PCBP3: variants seen among roughly 807,000 people sequenced by gnomAD.
PCBP3 encodes poly(rC) binding protein 3.
A neutral mutation model predicts 52.7 loss-of-function variants in PCBP3; 25 were observed. The observed-to-expected ratio is 0.47, with a 90% CI of 0.35 to 0.66. The LOEUF is 0.66. Among genes scored for constraint, PCBP3 ranks in the 30% least tolerant of loss-of-function variants. PCBP3 has a pLI of 0.01. For synonymous variants in PCBP3, 162 were observed against 183.0 expected, an observed-to-expected ratio of 0.89 and a Z score of 0.93; for missense variants, 391 against 490.3, an observed-to-expected ratio of 0.80 and a Z score of 1.91.
At chr21:45,799,134 TAG>T (rs1569238993) in intron 4 of PCBP3, among the ~76,000 whole-genome samples, 2 of 152,166 alleles carry the variant, frequency 1.3e-5, no homozygotes, top group African/African-American at 4.8e-5. Context: ...CGTGGATCTG[TAG>T]AGAGAGTGAA....
chr21:45,911,980 C>T (rs945471499), intron 11 of PCBP3, among the ~76,000 whole-genome samples: 5 of 152,252 alleles, frequency 3.3e-5, no homozygotes, highest in African/African-American at 1.2e-4. Context: ...CCCTGGAGGC[C>T]CTGCGGGCCG....
chr21:45,662,201 A>C (rs574963760), intron 1 of PCBP3, among the ~76,000 whole-genome samples: 16 of 149,600 alleles, frequency 1.1e-4, no homozygotes, highest in Non-Finnish European at 2.2e-4. Context: ...TCTGCCTCCC[A>C]GGCTCAAGTG....
Position 45,835,507 on chromosome 21 carries a change from T to C in PCBP3, c.-125-14454T>C, listed in dbSNP as rs538060177. Among the ~76,000 whole-genome samples the C allele has an allele frequency of 2.6e-4, 40 of 152,288 alleles. No homozygotes were observed. In the South Asian group the frequency reaches 7.2e-3, roughly 28 times the overall value. ...GACCTGGAGCACCTTAAGGAGCCCC[T>C]CTGCAAGTCCCTGTGCATCTGAGAG... On this transcript the variant is annotated intron_variant, in intron 4 of 17. Transcript: ENST00000681687.
chr21:45,791,020 C>T lies in PCBP3; in HGVS notation c.-126+35568C>T, dbSNP rs2091508699. Reference sequence around the variant, plus strand: ...AGCTCTCACAAGGGCAGGAGAACCACTGGGGCAGCCTTGGGATGCCCAGGA... The same window carrying T: ...AGCTCTCACAAGGGCAGGAGAACCATTGGGGCAGCCTTGGGATGCCCAGGA... On this transcript the variant is annotated intron_variant, in intron 4 of 17. Transcript: ENST00000681687. The surrounding 1 kb of genome is among the most constrained non-coding windows in gnomAD (Gnocchi z 4.2). 6.6e-6 allele frequency among the ~76,000 whole-genome samples: 1 copy of T among 152,120 alleles called. No homozygotes were observed. Among genetic ancestry groups the T allele is most frequent in the Admixed American group, 6.5e-5 (1 of 15,284 alleles).
chr21:45,676,541 A>G (rs2081478609), intron 2 of PCBP3, among the ~76,000 whole-genome samples: 1 of 152,130 alleles, frequency 6.6e-6, no homozygotes, highest in Non-Finnish European at 1.5e-5. Context: ...ATCTGTGGTC[A>G]GCGATCTTTG....
intron 4 of PCBP3, among the ~76,000 whole-genome samples, chr21:45,803,731 A>G (rs1478550648): frequency 1.3e-5 from 2 of 152,200 alleles, no homozygotes; most frequent in Admixed American, 6.5e-5. Context: ...AACCTGGAGC[A>G]GTATGGGCTC....
intron 2 of PCBP3, among the ~76,000 whole-genome samples, chr21:45,691,048 A>G (rs1459556653): frequency 6.6e-6 from 1 of 152,160 alleles, no homozygotes; most frequent in Non-Finnish European, 1.5e-5. Flanking sequence ...GTATATTCTT[A>G]TGCAAAGACA....
At chr21:45,915,570 GC>G (rs2073251215) in intron 12 of PCBP3, 1 of 152,262 alleles carries the variant, frequency 6.6e-6, no homozygotes, top group Admixed American at 6.5e-5. Flanking sequence ...GTGCAGCTGA[GC>G]CCTGCTCAGC....
chr21:45,778,025 C>T (rs1289605675), intron 4 of PCBP3, among the ~76,000 whole-genome samples: 1 of 135,288 alleles, frequency 7.4e-6, no homozygotes, highest in Non-Finnish European at 1.6e-5. Flanking sequence ...GATGTCTGTT[C>T]TGCACTTCTA....
intron 2 of PCBP3, among the ~76,000 whole-genome samples, chr21:45,696,719 A>C (rs2082800504): frequency 6.6e-6 from 1 of 151,062 alleles, no homozygotes; most frequent in African/African-American, 2.4e-5. Context: ...TGAACCCGGG[A>C]GGCAGAGGTT....
chr21:45,824,503 C>A (rs571929166), intron 4 of PCBP3, among the ~76,000 whole-genome samples: 6 of 152,196 alleles, frequency 3.9e-5, no homozygotes, highest in African/African-American at 1.4e-4. Context: ...AGATTTCTCC[C>A]GTTGGGATTG....
At chr21:45,785,797 C>A (rs916410539) in intron 4 of PCBP3, among the ~76,000 whole-genome samples, 3 of 150,306 alleles carry the variant, frequency 2.0e-5, no homozygotes, top group African/African-American at 4.9e-5. Context: ...TAGAAAAATT[C>A]TTCTGCCTTG....
At chr21:45,822,901 A>G (rs570138578) in intron 4 of PCBP3, among the ~76,000 whole-genome samples, 1 of 152,204 alleles carries the variant, frequency 6.6e-6, no homozygotes, top group African/African-American at 2.4e-5. Flanking sequence ...TTGAGGAGGA[A>G]GCCCCCAGAG....
chr21:45,783,072 T>C (rs913414312), intron 4 of PCBP3, among the ~76,000 whole-genome samples: 4 of 152,228 alleles, frequency 2.6e-5, no homozygotes, highest in Admixed American at 1.3e-4. Flanking sequence ...CTATACCAAG[T>C]TTTGGAAAGC....
chr21:45,920,130 C>G (rs1171847336), intron 13 of PCBP3, among the ~76,000 whole-genome samples: 2 of 152,134 alleles, frequency 1.3e-5, no homozygotes, highest in Non-Finnish European at 2.9e-5. Flanking sequence ...GAAGGTTAGT[C>G]GATGGGGTCA....
chr21:45,744,817 G>T (rs999622112), intron 3 of PCBP3, among the ~76,000 whole-genome samples: 4 of 152,084 alleles, frequency 2.6e-5, no homozygotes, highest in Non-Finnish European at 5.9e-5. Flanking sequence ...CTGACCTGTT[G>T]TCCCTCATGT....
At chr21:45,691,413 T>C (rs1031123122) in intron 2 of PCBP3, among the ~76,000 whole-genome samples, 56 of 141,544 alleles carry the variant, frequency 4.0e-4, no homozygotes, top group African/African-American at 1.3e-3. Flanking sequence ...ATATATATAT[T>C]ATATATATAT....
chr21:45,763,137 C>T (rs2088884037), intron 4 of PCBP3: 1 of 152,240 alleles, frequency 6.6e-6, no homozygotes. Context: ...CCGGAGGTGC[C>T]CCCTCTGGCT....
intron 2 of PCBP3, among the ~76,000 whole-genome samples, chr21:45,715,502 C>T (rs2084154214): frequency 6.6e-6 from 1 of 152,108 alleles, no homozygotes; most frequent in Admixed American, 6.6e-5. Flanking sequence ...ATCCCATGTA[C>T]ATTATCAGTC....
Sources: gnomAD v4.1 joint callset for allele counts (sites outside exome capture counted in the v4.1 genomes callset) on GRCh38, gnomAD v4.1.1 for gene constraint, Gnocchi (gnomAD v3.1) non-coding constraint, MANE v1.5 for transcripts, NCBI Gene and HGNC (gene_info 2026-07-23, HGNC 2026-07-21) for gene names.